EGFR: variants seen among roughly 807,000 people sequenced by gnomAD.
EGFR encodes epidermal growth factor receptor.
Under a neutral mutation model 143.0 loss-of-function variants are expected in EGFR, and 58 were observed. That is an observed-to-expected ratio of 0.41 (90% CI 0.33 to 0.50). The LOEUF is 0.50. Among genes scored for constraint, EGFR ranks in the 20% least tolerant of loss-of-function variants. EGFR has a pLI of 0.39. For synonymous variants in EGFR, 613 were observed against 594.4 expected (o/e 1.03, Z -0.45); for missense variants, 1,307 against 1,579.0 (o/e 0.83, Z 2.92).
At chr7:55,156,395 G>T (rs531486118) in intron 8 of EGFR, 138 bp from the exon 9 acceptor site, 1 of 1,256,962 alleles carries the variant, frequency 8.0e-7, no homozygotes, top group Middle Eastern at 2.6e-4. Context: ...TTCAGTGTTT[G>T]TTGAGTGAAT....
At chr7:55,203,788 C>T (rs922802519) in intron 27 of EGFR, among the ~76,000 whole-genome samples, 3 of 150,078 alleles carry the variant, frequency 2.0e-5, no homozygotes, top group Non-Finnish European at 4.4e-5. Flanking sequence ...TGCATATACA[C>T]ACCCACACCC....
Position 55,205,709 on chromosome 7 carries a change from G to T in EGFR, c.*92G>T. 1.3e-6 allele frequency: 2 copies of T among 1,599,716 alleles called. No individual in the cohort carries two copies. Among genetic ancestry groups the T allele is most frequent in the Non-Finnish European group, 8.5e-7 (1 of 1,170,412 alleles). On this transcript the variant is annotated 3_prime_UTR_variant, in exon 28 of 28. Transcript: ENST00000275493. ...GTCCTCCATCCCAACAGCCATGCCC[G>T]CATTAGCTCTTAGACCCACAGACTG...
At chr7:55,174,586 C>G in intron 18 of EGFR, 136 bp from the exon 19 acceptor site, 2 of 780,294 alleles carry the variant, frequency 2.6e-6, no homozygotes, top group South Asian at 1.4e-5. Context: ...CAATATCAGC[C>G]TTAGGTGCGG....
intron 1 of EGFR, among the ~76,000 whole-genome samples, chr7:55,137,667 G>A (rs959425076): frequency 7.9e-5 from 12 of 152,204 alleles, no homozygotes; most frequent in African/African-American, 2.7e-4. Flanking sequence ...TGACAGCCAA[G>A]TGGAGCACAA....
In EGFR at chr7:55,205,440, C is replaced by G. The variant is rs996715780; in HGVS notation, c.3456C>G (p.Asp1152Glu). 6.2e-7 allele frequency: 1 copy of G among 1,614,194 alleles called. No individual in the cohort carries two copies. The highest frequency in any genetic ancestry group is 1.7e-5 in the Admixed American group (1 of 60,028). ...VQPTCVNSTF[D>E]SPAHWAQKGS... ...CCACCTGTGTCAACAGCACATTCGA[C>G]AGCCCTGCCCACTGGGCCCAGAAAG... is the stretch of plus-strand genomic sequence containing the variant. The change falls in exon 28 of 28, where the codon GAC (aspartate) becomes GAG (glutamate). Residue 1152 changes from aspartate to glutamate, a missense_variant. Physicochemically the swap from Asp to Glu is conservative, Grantham distance 45. Transcript: ENST00000275493.
rs545232846 is a variant in EGFR, at chr7:55,028,180, G to T, written c.88+8815G>T. On this transcript the variant is annotated intron_variant, in intron 1 of 27. Coordinates refer to ENST00000275493, the MANE Select transcript of EGFR (RefSeq NM_005228.5). ...GCCAGTGCACAGCAGATGACGTCATGATTGTTTTAGCAGTCCTATCGTTTT... is the reference window on the plus strand; with the variant it reads ...GCCAGTGCACAGCAGATGACGTCATTATTGTTTTAGCAGTCCTATCGTTTT... Among the ~76,000 whole-genome samples the T allele has an allele frequency of 5.3e-5, 8 of 151,966 alleles. No homozygotes were observed. The South Asian group carries it at 1.7e-3, about 32-fold the overall frequency.
At chr7:55,137,176 G>C (rs1289723940) in intron 1 of EGFR, among the ~76,000 whole-genome samples, 2 of 152,116 alleles carry the variant, frequency 1.3e-5, no homozygotes, top group East Asian at 1.9e-4. Flanking sequence ...AGCGTACCTC[G>C]AAGATGCAAA....
chr7:55,053,209 G>C (rs1414632918), intron 1 of EGFR, among the ~76,000 whole-genome samples: 2 of 152,152 alleles, frequency 1.3e-5, no homozygotes, highest in African/African-American at 4.8e-5. Context: ...GTTTTGCTTA[G>C]TTAAGGAAAA....
chr7:55,201,036 C>T lies in EGFR; in HGVS notation c.2947-152C>T, dbSNP rs1470855614. On this transcript the variant is annotated intron_variant, in intron 24 of 27. Coordinates refer to ENST00000275493, the MANE Select transcript of EGFR (RefSeq NM_005228.5). ...ACCCACATCATGTCATGAGGGGAGG[C>T]AGCTATAATTTAGAGAACCAAGGGG... 7.8e-6 allele frequency: 7 copies of T among 894,876 alleles called. No individual in the cohort carries two copies. The Admixed American group carries it at 1.4e-4, about 18-fold the overall frequency. The allele number at this position is 894,876 out of a possible 1,614,324, so 55.4% of individuals were successfully genotyped here. A position where few individuals can be genotyped will look rare whatever the true frequency, so the allele number is the denominator to read the frequency against.
intron 11 of EGFR, among the ~76,000 whole-genome samples, chr7:55,159,793 C>T (rs947891943): frequency 6.6e-6 from 1 of 152,158 alleles, no homozygotes; most frequent in Admixed American, 6.5e-5. Flanking sequence ...TGGATGAACC[C>T]ACACCTTTGA....
At chr7:55,169,680 G>GGCCTCATCAGCGTCAGCAGGAGCCCCTC (rs1275413626) in intron 15 of EGFR, among the ~76,000 whole-genome samples, 4 of 152,032 alleles carry the variant, frequency 2.6e-5, no homozygotes, top group Non-Finnish European at 4.4e-5. Flanking sequence ...AGTTACCGAG[G>GGCCTCATCAGCGTCAGCAGGAGCCCCTC]GCCTCATCAG....
Position 55,175,885 on chromosome 7 carries a change from A to G in EGFR, c.2283+1065A>G, listed in dbSNP as rs543234746. Among the ~76,000 whole-genome samples the G allele has an allele frequency of 4.6e-5, 7 of 152,362 alleles. No individual in the cohort carries two copies. In the South Asian group the frequency reaches 6.2e-4, roughly 14 times the overall value. On this transcript the variant is annotated intron_variant, in intron 19 of 27. Transcript: ENST00000275493. ...CAGCTTTTCTTCCTTTTATTATAGT[A>G]GGGGAAATCCCATGTTGATATACTT...
At chr7:55,168,615 G>T in intron 15 of EGFR, 3 of 1,591,004 alleles carry the variant, frequency 1.9e-6, no homozygotes, top group Non-Finnish European at 2.6e-6. Flanking sequence ...TTCAAATAAA[G>T]TCCTGACACT....
intron 1 of EGFR, among the ~76,000 whole-genome samples, chr7:55,121,550 C>A (rs1381334282): frequency 6.6e-6 from 1 of 152,202 alleles, no homozygotes; most frequent in African/African-American, 2.4e-5. Flanking sequence ...GTGCTGTCTT[C>A]TGCTCTGTCT....
chr7:55,040,893 T>C (rs1478888170), intron 1 of EGFR, among the ~76,000 whole-genome samples: 1 of 152,230 alleles, frequency 6.6e-6, no homozygotes, highest in Admixed American at 6.5e-5. Flanking sequence ...CATCAGAAGA[T>C]GTTTGTAATT....
chr7:55,106,210 A>G (rs1489656298), intron 1 of EGFR, among the ~76,000 whole-genome samples: 1 of 152,220 alleles, frequency 6.6e-6, no homozygotes, highest in Non-Finnish European at 1.5e-5. Context: ...AGTGCCTGCA[A>G]TCCTGGAGTG....
intron 17 of EGFR, 116 bp downstream of exon 17, chr7:55,173,240 T>C: frequency 6.9e-7 from 1 of 1,440,130 alleles, no homozygotes; most frequent in Non-Finnish European, 9.4e-7. Flanking sequence ...TGTATTATGA[T>C]GCAGAAAGAA....
intron 1 of EGFR, among the ~76,000 whole-genome samples, chr7:55,105,245 T>C (rs958095106): frequency 6.6e-6 from 1 of 152,228 alleles, no homozygotes; most frequent in Admixed American, 6.5e-5. Flanking sequence ...TTCAGAAATA[T>C]ACCACATACC....
chr7:55,034,693 G>A (rs916917069), intron 1 of EGFR, among the ~76,000 whole-genome samples: 4 of 152,174 alleles, frequency 2.6e-5, no homozygotes, highest in Non-Finnish European at 5.9e-5. Context: ...TGTTCTCTAA[G>A]TTGCAAGTTA....
Sources: allele counts gnomAD v4.1 joint callset (sites outside exome capture counted in the v4.1 genomes callset), GRCh38; gene constraint gnomAD v4.1.1; transcripts MANE v1.5; gene names NCBI Gene and HGNC (gene_info 2026-07-23, HGNC 2026-07-21).